TASP1: variants seen among roughly 807,000 people sequenced by gnomAD.
TASP1 encodes threonine aspartase 1.
In TASP1, 16 loss-of-function variants were observed where a neutral mutation model predicts 56.6. The observed-to-expected ratio is 0.28, with a 90% confidence interval of 0.19 to 0.43. TASP1 has a LOEUF of 0.43. TASP1 is among the 20% of genes least tolerant of loss of function. The pLI is 1.00. For missense variants in TASP1, 393 were observed against 511.6 expected (o/e 0.77, Z 2.24); for synonymous variants, 179 against 184.2 (o/e 0.97, Z 0.23).
At chr20:13,231,469 T>C in the TASP1 span, among the ~76,000 whole-genome samples, 1 of 152,148 alleles carries the variant, frequency 6.6e-6, no homozygotes, top group Admixed American at 6.5e-5. Flanking sequence ...TCCTTTACTA[T>C]CTTAGGTGGG....
chr20:13,458,849 G>A (rs1032393069), intron 11 of TASP1, among the ~76,000 whole-genome samples: 8 of 152,090 alleles, frequency 5.3e-5, no homozygotes, highest in African/African-American at 1.9e-4. Flanking sequence ...GTACATGTGG[G>A]TTCAGAGCAC....
the TASP1 span, among the ~76,000 whole-genome samples, chr20:13,131,890 A>G: frequency 6.6e-6 from 1 of 152,028 alleles, no homozygotes; most frequent in Admixed American, 6.5e-5. Context: ...TGGTCTTCAC[A>G]GCTTCTCAGG....
chr20:13,350,370 T>C, the TASP1 span, among the ~76,000 whole-genome samples: 1 of 152,192 alleles, frequency 6.6e-6, no homozygotes. Context: ...CAATCTTTTG[T>C]ACACATAGTA....
chr20:13,352,244 G>A, the TASP1 span, among the ~76,000 whole-genome samples: 1 of 152,144 alleles, frequency 6.6e-6, no homozygotes. Context: ...GAAGTCAGGA[G>A]TTCAACACCA....
chr20:13,449,750 A>G (rs373744487), intron 11 of TASP1, among the ~76,000 whole-genome samples: 5 of 152,254 alleles, frequency 3.3e-5, no homozygotes, highest in African/African-American at 1.2e-4. Context: ...TTACAACTCT[A>G]GGTCTAGAAA....
chr20:13,287,853 A>G, the TASP1 span, among the ~76,000 whole-genome samples: 5 of 152,208 alleles, frequency 3.3e-5, no homozygotes, highest in Non-Finnish European at 7.3e-5. Context: ...TAAAACAACA[A>G]CCGTTTATTA....
chr20:13,587,733 A>G lies in TASP1; in HGVS notation c.283-363T>C, dbSNP rs188340438. The stretch of plus-strand genomic sequence containing the variant: ...GAAAAAAACATGATTGTATCAAAAA[A>G]AAAACACAGAAAAAAGGCATCTGAC... On this transcript the variant is annotated intron_variant, in intron 4 of 13. Transcript: ENST00000337743. Among the ~76,000 whole-genome samples, 24 of 152,126 alleles carry G rather than the reference A, an allele frequency of 1.6e-4. No homozygotes were observed. In the East Asian group the frequency reaches 4.1e-3, roughly 26 times the overall value.
At chr20:13,126,579 T>C in the TASP1 span, 3 of 1,613,386 alleles carry the variant, frequency 1.9e-6, no homozygotes, top group Non-Finnish European at 2.5e-6. Flanking sequence ...GGGTTTCCCC[T>C]CTTTATTTAA....
chr20:13,569,036 G>C (rs1458262830), intron 7 of TASP1, among the ~76,000 whole-genome samples: 1 of 152,006 alleles, frequency 6.6e-6, no homozygotes, highest in African/African-American at 2.4e-5. Flanking sequence ...TTTCTTCATA[G>C]ATTAAGGATA....
At chr20:13,163,072 T>C in the TASP1 span, among the ~76,000 whole-genome samples, 21 of 152,006 alleles carry the variant, frequency 1.4e-4, no homozygotes, top group Admixed American at 6.6e-5. Context: ...AAGGTTGAGA[T>C]AAAAATGAAT....
At chr20:13,230,033 T>G in the TASP1 span, among the ~76,000 whole-genome samples, 1 of 152,216 alleles carries the variant, frequency 6.6e-6, no homozygotes, top group Non-Finnish European at 1.5e-5. Flanking sequence ...GTTCTATCAT[T>G]TGTGCTGTTC....
chr20:13,362,286 G>C, the TASP1 span, among the ~76,000 whole-genome samples: 1 of 151,834 alleles, frequency 6.6e-6, no homozygotes, highest in South Asian at 2.1e-4. Context: ...CCTGTGACTT[G>C]CACGTATATG....
intron 10 of TASP1, 55 bp from the exon 11 acceptor site, chr20:13,483,392 T>C (rs1242901934): frequency 3.3e-6 from 4 of 1,228,626 alleles, no homozygotes; most frequent in Non-Finnish European, 4.5e-6. Flanking sequence ...ACACCCTGCT[T>C]ATTTCAATAG....
At chr20:13,277,724 A>G in the TASP1 span, among the ~76,000 whole-genome samples, 6 of 150,734 alleles carry the variant, frequency 4.0e-5, no homozygotes, top group Admixed American at 2.6e-4. Flanking sequence ...ACAAGACTGG[A>G]GTAAGGGTGG....
At chr20:13,279,585 T>A in the TASP1 span, 1 of 1,564,538 alleles carries the variant, frequency 6.4e-7, no homozygotes, top group East Asian at 2.3e-5. Flanking sequence ...TCATGTAGCT[T>A]GGAGGCTGTT....
the TASP1 span, chr20:13,164,605 G>C: frequency 1.7e-5 from 11 of 637,726 alleles, no homozygotes; most frequent in Non-Finnish European, 3.1e-5. Context: ...ACAACCTAAT[G>C]GTACGGATCT....
rs191974133 is a variant in TASP1 at position 13,493,084 on chromosome 20, A to G, written c.875-9747T>C. ...ACTGTCTAAATAAGTAGCTCCATAAATAGGAAAGGTTCCAGTTTTATGAAC... is the reference window on the plus strand; with the variant it reads ...ACTGTCTAAATAAGTAGCTCCATAAGTAGGAAAGGTTCCAGTTTTATGAAC... On this transcript the variant is annotated intron_variant, in intron 10 of 13. Coordinates refer to ENST00000337743, the MANE Select transcript of TASP1 (RefSeq NM_017714.3). Among the ~76,000 whole-genome samples the G allele has an allele frequency of 3.1e-3, 476 of 152,322 alleles. 3 individuals carry two copies. The highest frequency in any genetic ancestry group is 4.7e-3 in the Non-Finnish European group (318 of 68,028).
chr20:13,348,170 T>C, the TASP1 span, among the ~76,000 whole-genome samples: 1 of 152,200 alleles, frequency 6.6e-6, no homozygotes, highest in Non-Finnish European at 1.5e-5. Context: ...GTAATGACAA[T>C]GTTGGGAAAC....
At chr20:13,630,718 CAAAAAGA>C (rs2049055731) in intron 1 of TASP1, among the ~76,000 whole-genome samples, 1 of 135,502 alleles carries the variant, frequency 7.4e-6, no homozygotes. Flanking sequence ...AAAGGAGTCT[CAAAAAGA>C]AAAAAGAAAA....
Sources: allele counts gnomAD v4.1 joint callset (sites outside exome capture counted in the v4.1 genomes callset), GRCh38; gene constraint gnomAD v4.1.1; transcripts MANE v1.5; gene names NCBI Gene and HGNC (gene_info 2026-07-23, HGNC 2026-07-21).